ATP8B4: variants seen among roughly 807,000 people sequenced by gnomAD.
The protein encoded by ATP8B4 is probable phospholipid-transporting ATPase IM.
A neutral mutation model predicts 145.6 loss-of-function variants in ATP8B4; 133 were observed. The observed-to-expected ratio is 0.91, with a 90% CI of 0.79 to 1.05. The LOEUF (loss-of-function observed/expected upper bound fraction) is 1.05. Among genes scored for constraint, ATP8B4 ranks in the 50% least tolerant of loss-of-function variants. The pLI is 0.00. For synonymous variants in ATP8B4, 507 were observed against 492.9 expected, an observed-to-expected ratio of 1.03 and a Z score of -0.38; for missense variants, 1,458 against 1,425.2, an observed-to-expected ratio of 1.02 and a Z score of -0.37.
chr15:49,884,603 C>CAAA (rs1171236865), intron 23 of ATP8B4, among the ~76,000 whole-genome samples: 11 of 32,770 alleles, frequency 3.4e-4, no homozygotes, highest in African/African-American at 1.1e-3. Flanking sequence ...ATCCTGTCTC[C>CAAA]AAAAAAAAAG....
At chr15:49,862,617 C>T (rs1487271521) in intron 26 of ATP8B4, among the ~76,000 whole-genome samples, 5 of 151,942 alleles carry the variant, frequency 3.3e-5, no homozygotes, top group South Asian at 2.1e-4. Context: ...CCACCACGCC[C>T]GGCTAATTTT....
At chr15:50,121,582 A>C (rs1250043852), upstream of ATP8B4, among the ~76,000 whole-genome samples, 2 of 152,158 alleles carry the variant, frequency 1.3e-5, no homozygotes, top group Non-Finnish European at 2.9e-5. Context: ...AAGGATGTCC[A>C]TCTTATAGAG....
At chr15:50,131,130 A>G (rs974831564) in intron 1 of ATP8B4, among the ~76,000 whole-genome samples, 30 of 152,120 alleles carry the variant, frequency 2.0e-4, no homozygotes, top group African/African-American at 7.2e-4. Flanking sequence ...GCATGGGGGA[A>G]ACTGCCCCCA....
At position 50,149,977 on chromosome 15, in the gene ATP8B4, T is replaced by C. The variant is rs564752858; in HGVS notation, c.-43+32284A>G. ...TTAGCCAGGTGTGGTGGAGGGTGCC[T>C]GTAATCCCAGCTACTCAGGAGGCTG... On this transcript the variant is annotated intron_variant, in intron 1 of 3. Transcript: ENST00000558829. 2.0e-5 allele frequency among the ~76,000 whole-genome samples: 3 copies of C among 152,102 alleles called. No homozygotes were observed. In the East Asian group the frequency reaches 5.8e-4, roughly 29 times the overall value.
chr15:49,876,981 T>C (rs1424220998), intron 24 of ATP8B4, among the ~76,000 whole-genome samples: 1 of 152,132 alleles, frequency 6.6e-6, no homozygotes, highest in Admixed American at 6.5e-5. Flanking sequence ...GTCAGAATTG[T>C]CAAATCAGAG....
chr15:50,008,217 G>C (rs1184813012), intron 7 of ATP8B4, among the ~76,000 whole-genome samples: 1 of 152,160 alleles, frequency 6.6e-6, no homozygotes, highest in Non-Finnish European at 1.5e-5. Context: ...GCACACAGGT[G>C]CAGCTCAAAG....
intron 26 of ATP8B4, among the ~76,000 whole-genome samples, chr15:49,864,205 T>C (rs1221956614): frequency 2.6e-5 from 4 of 152,232 alleles, no homozygotes; most frequent in African/African-American, 9.6e-5. Context: ...TCCATTTACA[T>C]GTAGGAAAAG....
chr15:50,062,358 G>T (rs6493398), intron 3 of ATP8B4, among the ~76,000 whole-genome samples: 133,947 of 152,138 alleles, frequency 0.88, 59,298 homozygotes, highest in East Asian at 0.99. Flanking sequence ...GATGTGCCTG[G>T]TCCCCCTTCA....
chr15:50,160,096 T>C (rs1260681567), intron 1 of ATP8B4, among the ~76,000 whole-genome samples: 1 of 139,228 alleles, frequency 7.2e-6, no homozygotes, highest in Non-Finnish European at 1.5e-5. Flanking sequence ...TCTGTTCAGG[T>C]TTTGGATTTC....
Position 49,920,412 on chromosome 15 carries a change from T to C in ATP8B4, c.1759-2A>G, listed in dbSNP as rs767204423. 1.9e-6 allele frequency: 3 copies of C among 1,611,652 alleles called. No homozygotes were observed. Among genetic ancestry groups the C allele is most frequent in the Non-Finnish European group, 2.5e-6 (3 of 1,178,994 alleles). On this transcript the variant is annotated splice_acceptor_variant, in intron 17 of 27. Coordinates refer to ENST00000284509, the MANE Select transcript of ATP8B4 (RefSeq NM_024837.4). LOFTEE classifies it high-confidence loss of function. Reference sequence around the variant, plus strand: ...CCGAAGGCCTTCCCCTGCAAATTCCTGCCAGAGATGACATAGACTCATGAA... The same window carrying C: ...CCGAAGGCCTTCCCCTGCAAATTCCCGCCAGAGATGACATAGACTCATGAA...
intron 15 of ATP8B4, among the ~76,000 whole-genome samples, chr15:49,931,742 C>T (rs1471478675): frequency 6.6e-6 from 1 of 151,936 alleles, no homozygotes; most frequent in African/African-American, 2.4e-5. Flanking sequence ...CTGGTGGAAC[C>T]TATGACTGAA....
intron 2 of ATP8B4, among the ~76,000 whole-genome samples, chr15:50,101,119 T>C (rs1159891671): frequency 6.6e-6 from 1 of 152,170 alleles, no homozygotes; most frequent in Non-Finnish European, 1.5e-5. Context: ...CGAACATTGA[T>C]TGGATACTGT....
In ATP8B4 at chr15:50,001,601, T is replaced by C. The variant is rs183318572; in HGVS notation, c.506+552A>G. ...CCATCTAAAGAACACAAATACATAG[T>C]GTCATTAAAATGTAAGCATTCAATA... On this transcript the variant is annotated intron_variant, in intron 8 of 27. Coordinates refer to ENST00000284509, the MANE Select transcript of ATP8B4 (RefSeq NM_024837.4). Among the ~76,000 whole-genome samples, 248 of 152,334 alleles carry C rather than the reference T, an allele frequency of 1.6e-3. 2 individuals are homozygous for C. Among genetic ancestry groups the C allele is most frequent in the African/African-American group, 5.4e-3 (224 of 41,582 alleles).
At chr15:49,868,133 A>G (rs2033107638) in intron 25 of ATP8B4, among the ~76,000 whole-genome samples, 1 of 152,226 alleles carries the variant, frequency 6.6e-6, no homozygotes, top group Non-Finnish European at 1.5e-5. Context: ...TCAGATTGAG[A>G]GGGTCCTTTA....
At chr15:50,036,999 T>C (rs1393051757) in intron 6 of ATP8B4, among the ~76,000 whole-genome samples, 1 of 152,160 alleles carries the variant, frequency 6.6e-6, no homozygotes, top group Non-Finnish European at 1.5e-5. Context: ...CTAACACTAT[T>C]TCAAATGATA....
At chr15:50,056,106 C>T (rs1219619070) in intron 3 of ATP8B4, among the ~76,000 whole-genome samples, 2 of 152,146 alleles carry the variant, frequency 1.3e-5, no homozygotes. Flanking sequence ...ATCACCACCA[C>T]CACCACCACC....
chr15:50,142,677 G>A (rs548347779), intron 1 of ATP8B4, among the ~76,000 whole-genome samples: 1 of 152,174 alleles, frequency 6.6e-6, no homozygotes, highest in Non-Finnish European at 1.5e-5. Flanking sequence ...AATGAAAAGA[G>A]GCTGATGTCC....
rs573648830 is a variant in ATP8B4 at position 50,169,891 on chromosome 15, A to G, written c.-43+12370T>C. On this transcript the variant is annotated intron_variant, in intron 1 of 3. Coordinates refer to the ATP8B4 transcript ENST00000558829. ...CTTTTAGAAATGTGAAATGCTCTGG[A>G]AAGTCTCAGCAATAGAAGTGAACAA... 2.6e-4 allele frequency among the ~76,000 whole-genome samples: 39 copies of G among 152,338 alleles called. 1 individual carries two copies. In the East Asian group the frequency reaches 7.5e-3, roughly 29 times the overall value.
intron 1 of ATP8B4, among the ~76,000 whole-genome samples, chr15:50,178,500 ATC>A (rs777149203): frequency 5.9e-5 from 9 of 152,138 alleles, no homozygotes; most frequent in Non-Finnish European, 1.3e-4. Flanking sequence ...TTTTATTTTT[ATC>A]TGTTTGTGAG....
Sources: allele counts gnomAD v4.1 joint callset (sites outside exome capture counted in the v4.1 genomes callset), GRCh38; gene constraint gnomAD v4.1.1; transcripts MANE v1.5; gene names NCBI Gene and HGNC (gene_info 2026-07-23, HGNC 2026-07-21).